The following PLEKHA7 variants were observed in gnomAD, a reference collection of about 807,000 sequenced individuals.
The protein encoded by PLEKHA7 is pleckstrin homology domain-containing family A member 7.
PLEKHA7 carries 104 observed loss-of-function variants against 170.0 expected under a neutral mutation model. The ratio of observed to expected loss-of-function variants is 0.61; its 90% confidence interval spans 0.52 to 0.72. The LOEUF (loss-of-function observed/expected upper bound fraction) is 0.72, where lower values mean the gene tolerates loss of function less well. Ranked by LOEUF, PLEKHA7 falls within the 30% of genes least tolerant of loss-of-function variation. The pLI is 0.00. For missense variants in PLEKHA7, 1,615 were observed against 1,671.7 expected (o/e 0.97, Z 0.59); for synonymous variants, 648 against 660.8 (o/e 0.98, Z 0.30).
chr11:16,934,860 A>G (rs1860177888), intron 3 of PLEKHA7, among the ~76,000 whole-genome samples: 1 of 152,210 alleles, frequency 6.6e-6, no homozygotes, highest in Non-Finnish European at 1.5e-5. Flanking sequence ...TATGTAAAAT[A>G]CTTTGAAATT....
intron 3 of PLEKHA7, among the ~76,000 whole-genome samples, chr11:16,976,669 C>T (rs1416141809): frequency 6.6e-6 from 1 of 152,244 alleles, no homozygotes; most frequent in African/African-American, 2.4e-5. Context: ...CTGTAAGCCA[C>T]ACTTCTGCAA....
chr11:16,955,534 G>T (rs554719836), intron 3 of PLEKHA7, among the ~76,000 whole-genome samples: 1 of 152,304 alleles, frequency 6.6e-6, no homozygotes, highest in African/African-American at 2.4e-5. Flanking sequence ...TTAGGTGTTT[G>T]CGTTAATCAA....
chr11:16,883,903 T>A (rs1855884463), intron 3 of PLEKHA7, among the ~76,000 whole-genome samples: 1 of 152,206 alleles, frequency 6.6e-6, no homozygotes, highest in African/African-American at 2.4e-5. Flanking sequence ...CAATTCAGTG[T>A]CAATCCCAGG....
In PLEKHA7 at chr11:16,791,711, C is replaced by A. The variant is rs1175553652; in HGVS notation, c.2746-512G>T. ...AAGGACAGAGTCTACATCCTCCTGG[C>A]CTTTCTATCAGAAATGTGCATGGTT... On this transcript the variant is annotated intron_variant, in intron 19 of 26. Transcript: ENST00000531066. This position sits in a 1 kb window ranked among gnomAD's most constrained non-coding sequence, Gnocchi z 4.5. The A allele has an allele frequency of 1.4e-4, 63 of 457,192 alleles. 1 individual carries two copies. The highest frequency in any genetic ancestry group is 9.7e-4 in the East Asian group (14 of 14,408). 28.3% of individuals were successfully genotyped at this position (457,192 alleles called of 1,614,324 possible).
intron 3 of PLEKHA7, among the ~76,000 whole-genome samples, chr11:16,979,727 A>G (rs1053641188): frequency 3.3e-5 from 5 of 152,156 alleles, no homozygotes; most frequent in Non-Finnish European, 5.9e-5. Flanking sequence ...AAAAAAAAAG[A>G]CATATTTCCT....
intron 17 of PLEKHA7, among the ~76,000 whole-genome samples, chr11:16,797,011 T>C (rs1348644700): frequency 6.6e-6 from 1 of 152,188 alleles, no homozygotes; most frequent in Non-Finnish European, 1.5e-5. Context: ...GATAAAGCTG[T>C]TAATTTTTTT....
chr11:16,811,642 G>C (rs868659933), intron 13 of PLEKHA7, among the ~76,000 whole-genome samples: 1 of 152,198 alleles, frequency 6.6e-6, no homozygotes, highest in African/African-American at 2.4e-5. Context: ...ACCATACTTA[G>C]AGCAGTCACT....
intron 3 of PLEKHA7, among the ~76,000 whole-genome samples, chr11:16,999,039 C>T (rs975518752): frequency 2.0e-5 from 3 of 152,086 alleles, no homozygotes; most frequent in Admixed American, 2.0e-4. Context: ...AATCAACCAA[C>T]ACACACCTAT....
At position 16,786,534 on chromosome 11, in the gene PLEKHA7, T is replaced by G. The variant is rs1466248429; in HGVS notation, c.3358-147A>C. The G allele has an allele frequency of 2.1e-6, 3 of 1,460,652 alleles. No individual in the cohort carries two copies. The African/African-American group carries it at 4.2e-5, about 21-fold the overall frequency. 90.5% of individuals were successfully genotyped at this position (1,460,652 alleles called of 1,614,324 possible). ...TATGTGCAATAGAGAATGAAGCTGC[T>G]GTCCCCTTCATATGGGCTGTTCCAG... On this transcript the variant is annotated intron_variant, in intron 23 of 26. Transcript: ENST00000531066.
At chr11:16,928,055 C>T (rs1859685687) in intron 3 of PLEKHA7, among the ~76,000 whole-genome samples, 2 of 152,284 alleles carry the variant, frequency 1.3e-5, no homozygotes, top group African/African-American at 4.8e-5. Context: ...CTGGTTGACT[C>T]AGAACCTACT....
intron 3 of PLEKHA7, among the ~76,000 whole-genome samples, chr11:16,952,826 C>T (rs1023165043): frequency 1.3e-5 from 2 of 152,180 alleles, no homozygotes; most frequent in Non-Finnish European, 2.9e-5. Flanking sequence ...GAATGTTCAA[C>T]CTGTAATTAT....
At chr11:16,932,410 T>C (rs1860004417) in intron 3 of PLEKHA7, among the ~76,000 whole-genome samples, 1 of 151,968 alleles carries the variant, frequency 6.6e-6, no homozygotes, top group South Asian at 2.1e-4. Context: ...CCCCACCCAG[T>C]AGCCAGGACT....
intron 3 of PLEKHA7, among the ~76,000 whole-genome samples, chr11:16,913,341 C>T (rs991423502): frequency 6.6e-6 from 1 of 152,158 alleles, no homozygotes; most frequent in African/African-American, 2.4e-5. Flanking sequence ...GCAGAGGGCG[C>T]GGGAGATGCT....
chr11:16,901,193 C>T (rs1205335365), intron 3 of PLEKHA7, among the ~76,000 whole-genome samples: 2 of 152,052 alleles, frequency 1.3e-5, no homozygotes, highest in Non-Finnish European at 2.9e-5. Context: ...TTTTATGAAA[C>T]ATTTTTGGTT....
rs76435709 is a variant in PLEKHA7 at position 16,909,146 on chromosome 11, G to A, written c.222-37964C>T. Among the ~76,000 whole-genome samples, 1,493 of 152,188 alleles carry A rather than the reference G, an allele frequency of 9.8e-3. 8 individuals carry two copies. The highest frequency in any genetic ancestry group is 0.013 in the Non-Finnish European group (897 of 68,016). On this transcript the variant is annotated intron_variant, in intron 3 of 26. Transcript: ENST00000531066. ...TGCTGAACACTTCACATGCACTGACGTACAGTAAGTACTCAGCAGCCAAGT... is the reference window on the plus strand; with the variant it reads ...TGCTGAACACTTCACATGCACTGACATACAGTAAGTACTCAGCAGCCAAGT...
intron 3 of PLEKHA7, among the ~76,000 whole-genome samples, chr11:16,973,410 A>G (rs1862844440): frequency 6.6e-6 from 1 of 151,902 alleles, no homozygotes; most frequent in African/African-American, 2.4e-5. Context: ...TCCCAGATCG[A>G]CCCCCTTCAC....
rs1195892152 is a variant in PLEKHA7, at chr11:16,794,531, A to C, written c.2702T>G (p.Val901Gly). The C allele has an allele frequency of 6.2e-7, 1 of 1,613,732 alleles. No individual in the cohort carries two copies. Among genetic ancestry groups the C allele is most frequent in the Non-Finnish European group, 8.5e-7 (1 of 1,179,964 alleles). The change falls in exon 19 of 27, where the codon GTG (valine) becomes GGG (glycine). Residue 901 changes from valine to glycine, a missense_variant. Val to Gly is a moderately radical substitution (Grantham distance 109). Transcript: ENST00000531066. ...YRPHPPQLRK[V>G]TSPLQSPTKA... ...AGTTGGTGACTGAAGGGGGGATGTC[A>C]CTTTCCTCAGCTGGGGTGGGTGAGG...
intron 3 of PLEKHA7, among the ~76,000 whole-genome samples, chr11:16,953,407 T>A (rs570979907): frequency 6.6e-6 from 1 of 152,328 alleles, no homozygotes; most frequent in Non-Finnish European, 1.5e-5. Context: ...CTGTAAGACT[T>A]AAAGTCCTAA....
intron 3 of PLEKHA7, among the ~76,000 whole-genome samples, chr11:17,005,125 G>C (rs1357181999): frequency 6.6e-6 from 1 of 152,192 alleles, no homozygotes; most frequent in Non-Finnish European, 1.5e-5. Context: ...TTAACGGGGG[G>C]GGTAAACTGG....
Sources: gnomAD v4.1 joint callset for allele counts (sites outside exome capture counted in the v4.1 genomes callset) on GRCh38, gnomAD v4.1.1 for gene constraint, Gnocchi (gnomAD v3.1) non-coding constraint, MANE v1.5 for transcripts, NCBI Gene and HGNC (gene_info 2026-07-23, HGNC 2026-07-21) for gene names.